The following GABRR3 variants were observed in gnomAD, a reference collection of about 807,000 sequenced individuals.
The protein encoded by GABRR3 is gamma-aminobutyric acid receptor subunit rho-3.
Under a neutral mutation model 43.2 loss-of-function variants are expected in GABRR3, and 29 were observed. That is an observed-to-expected ratio of 0.67 (90% CI 0.50 to 0.92). The LOEUF (loss-of-function observed/expected upper bound fraction) is 0.92, where lower values mean the gene tolerates loss of function less well. Among genes scored for constraint, GABRR3 ranks in the 40% least tolerant of loss-of-function variants. GABRR3 has a pLI of 0.00. For synonymous variants in GABRR3, 206 were observed against 195.9 expected, an observed-to-expected ratio of 1.05 and a Z score of -0.43; for missense variants, 576 against 572.3, an observed-to-expected ratio of 1.01 and a Z score of -0.07.
At chr3:98,031,018 T>C (rs774540780) in intron 2 of GABRR3, among the ~76,000 whole-genome samples, 1 of 152,202 alleles carries the variant, frequency 6.6e-6, no homozygotes, top group South Asian at 2.1e-4. Context: ...GCTCTGGATG[T>C]TTTTGAAAAG....
chr3:97,987,526 C>T (rs1046479900), intron 9 of GABRR3, among the ~76,000 whole-genome samples: 6 of 152,138 alleles, frequency 3.9e-5, no homozygotes, highest in African/African-American at 1.4e-4. Context: ...CTTCTTGATT[C>T]ATAGGAAAAT....
chr3:98,030,227 G>A (rs75194561), intron 2 of GABRR3, among the ~76,000 whole-genome samples: 1 of 151,694 alleles, frequency 6.6e-6, no homozygotes, highest in African/African-American at 2.4e-5. Context: ...TATTTCATGT[G>A]CTTTACTCAA....
At chr3:98,022,164 A>G (rs1430270843) in intron 3 of GABRR3, among the ~76,000 whole-genome samples, 1 of 152,234 alleles carries the variant, frequency 6.6e-6, no homozygotes, top group Non-Finnish European at 1.5e-5. Context: ...TGAAGAAACA[A>G]AGAAATTATC....
chr3:97,989,200 TG>T (rs1706430023), intron 9 of GABRR3, among the ~76,000 whole-genome samples: 1 of 147,548 alleles, frequency 6.8e-6, no homozygotes, highest in Non-Finnish European at 1.5e-5. Context: ...TGTTAGTGGA[TG>T]GTGGTGGTGT....
chr3:98,020,657 G>A (rs537767106), intron 3 of GABRR3, among the ~76,000 whole-genome samples: 1 of 152,060 alleles, frequency 6.6e-6, no homozygotes, highest in South Asian at 2.1e-4. Flanking sequence ...TGTTGCCCAA[G>A]CACTGGAGCC....
At chr3:97,989,393 T>C (rs950759885) in intron 9 of GABRR3, among the ~76,000 whole-genome samples, 2 of 143,740 alleles carry the variant, frequency 1.4e-5, no homozygotes, top group African/African-American at 5.2e-5. Flanking sequence ...TAGGGGTAGA[T>C]AGTGGTAGTG....
intron 7 of GABRR3, 34 bp from the exon 8 acceptor site, chr3:98,001,801 AG>A (rs2081706384): frequency 6.2e-7 from 1 of 1,611,436 alleles, no homozygotes; most frequent in East Asian, 2.2e-5. Flanking sequence ...CATTAGAGCA[AG>A]CTTCCCCTTA....
At chr3:98,009,144 T>C in intron 5 of GABRR3, 106 bp from the exon 6 acceptor site, 2 of 700,632 alleles carry the variant, frequency 2.9e-6, no homozygotes, top group Non-Finnish European at 4.9e-6. Flanking sequence ...TGTGTGTCTT[T>C]CAAGAATAAT....
intron 9 of GABRR3, among the ~76,000 whole-genome samples, chr3:97,992,264 T>A (rs185455901): frequency 3.3e-5 from 5 of 152,272 alleles, no homozygotes; most frequent in African/African-American, 1.2e-4. Flanking sequence ...ATATAAATGC[T>A]GGCTCTCGAT....
At chr3:98,023,548 G>A (rs1238007510) in intron 3 of GABRR3, among the ~76,000 whole-genome samples, 1 of 152,124 alleles carries the variant, frequency 6.6e-6, no homozygotes, top group East Asian at 1.9e-4. Context: ...AAATATCTGC[G>A]TAGTAGTTGT....
rs1706803478 is a variant in GABRR3, at chr3:98,012,343, C to T, written c.530+1G>A. On this transcript the variant is annotated splice_donor_variant, in intron 5 of 9. Coordinates refer to ENST00000621172, the Ensembl canonical transcript of GABRR3. LOFTEE classifies it high-confidence loss of function. ...CAAAGGCGATAGGCAGCTTTCCTTA[C>T]CTGAGACTTAGGAGGACGTTTCCAT... 2 of 1,612,574 alleles carry T rather than the reference C, an allele frequency of 1.2e-6. No homozygotes were observed. Among genetic ancestry groups the T allele is most frequent in the Non-Finnish European group, 1.7e-6 (2 of 1,178,900 alleles).
chr3:98,017,765 A>G, intron 3 of GABRR3, 43 bp from the exon 4 acceptor site: 1 of 1,345,814 alleles, frequency 7.4e-7, no homozygotes, highest in South Asian at 1.2e-5. Flanking sequence ...AATGCATTAT[A>G]ATCATTTTAA....
chr3:98,029,262 A>T (rs1005032177), intron 2 of GABRR3, among the ~76,000 whole-genome samples: 2 of 152,006 alleles, frequency 1.3e-5, no homozygotes, highest in Non-Finnish European at 2.9e-5. Flanking sequence ...TTTCTCTTTG[A>T]ATTGGGGCCT....
At chr3:98,013,525 C>T (rs909782759) in intron 4 of GABRR3, among the ~76,000 whole-genome samples, 1 of 152,156 alleles carries the variant, frequency 6.6e-6, no homozygotes, top group Non-Finnish European at 1.5e-5. Context: ...TTACTTCTTA[C>T]TATCTTTTTT....
chr3:98,008,823 C>CCACAATTG, intron 6 of GABRR3, 133 bp downstream of exon 6: 1 of 376,210 alleles, frequency 2.7e-6, no homozygotes, highest in Admixed American at 4.7e-5. Flanking sequence ...AAAAAAGAAG[C>CCACAATTG]CACAATTGTT....
intron 2 of GABRR3, among the ~76,000 whole-genome samples, chr3:98,033,634 T>C (rs1245146103): frequency 6.6e-6 from 1 of 152,152 alleles, no homozygotes; most frequent in Non-Finnish European, 1.5e-5. Context: ...TTTTAAGCAG[T>C]GTCCTTTGAT....
At chr3:97,990,193 C>A (rs183779164) in intron 9 of GABRR3, among the ~76,000 whole-genome samples, 1 of 152,134 alleles carries the variant, frequency 6.6e-6, no homozygotes, top group East Asian at 1.9e-4. Flanking sequence ...AAAGTTTTTA[C>A]GCCCTTTTAC....
Position 97,993,060 on chromosome 3 carries a change from G to C in GABRR3, c.908-12C>G, listed in dbSNP as rs1187804373. 1 of 1,577,466 alleles carries C rather than the reference G, an allele frequency of 6.3e-7. No individual in the cohort carries two copies. The highest frequency in any genetic ancestry group is 2.3e-5 in the East Asian group (1 of 44,188). On this transcript the variant is annotated splice_polypyrimidine_tract_variant and intron_variant, in intron 8 of 9. Transcript: ENST00000621172. ...CACTGTGGTGATTCCTGCCATTTGA[G>C]AATAGTGGCAAGCTCAGTGATATAG...
intron 5 of GABRR3, among the ~76,000 whole-genome samples, chr3:98,011,857 T>C (rs1387445804): frequency 1.3e-5 from 2 of 152,214 alleles, no homozygotes; most frequent in African/African-American, 2.4e-5. Context: ...AGGACTGTTA[T>C]AGCAAAGTGT....
Sources: gnomAD v4.1 joint callset for allele counts (sites outside exome capture counted in the v4.1 genomes callset) on GRCh38, gnomAD v4.1.1 for gene constraint, MANE v1.5 for transcripts, NCBI Gene and HGNC (gene_info 2026-07-23, HGNC 2026-07-21) for gene names.